ECPAS: variants seen among roughly 807,000 people sequenced by gnomAD.
The protein encoded by ECPAS is Ecm29 proteasome adaptor and scaffold, also known as proteasome adapter and scaffold protein ECM29.
Under a neutral mutation model 255.1 loss-of-function variants are expected in ECPAS, and 70 were observed. The observed-to-expected ratio is 0.27, with a 90% CI of 0.23 to 0.33. The LOEUF is 0.33. Among genes scored for constraint, ECPAS ranks in the 10% least tolerant of loss-of-function variants. The pLI, the probability that ECPAS is intolerant of heterozygous loss-of-function variation, is 1.00. For synonymous variants in ECPAS, 784 were observed against 775.0 expected (o/e 1.01, Z -0.19); for missense variants, 1,817 against 2,206.4 (o/e 0.82, Z 3.54).
At chr9:111,408,447 CT>C in intron 24 of ECPAS, 123 bp downstream of exon 24, 1 of 595,514 alleles carries the variant, frequency 1.7e-6, no homozygotes, top group Non-Finnish European at 2.9e-6. Context: ...ACTCAAGTAT[CT>C]GGTGAATAAA....
At chr9:111,411,587 CTA>C (rs898689595) in intron 21 of ECPAS, 14 of 176,890 alleles carry the variant, frequency 7.9e-5, no homozygotes, top group Non-Finnish European at 1.4e-4. Flanking sequence ...AACCAACAAA[CTA>C]TGTGAAGTAA....
chr9:111,376,400 C>T, intron 37 of ECPAS, 76 bp downstream of exon 37: 1 of 1,207,086 alleles, frequency 8.3e-7, no homozygotes, highest in Non-Finnish European at 1.2e-6. Flanking sequence ...CTTCATTTAA[C>T]ATAGCCTGAA....
chr9:111,477,220 T>C (rs979976517), intron 1 of ECPAS, among the ~76,000 whole-genome samples: 1 of 152,052 alleles, frequency 6.6e-6, no homozygotes, highest in Non-Finnish European at 1.5e-5. Context: ...GCAATTCTCC[T>C]GCCTCAGCCT....
At chr9:111,448,878 C>T (rs1275125175) in intron 3 of ECPAS, among the ~76,000 whole-genome samples, 1 of 152,058 alleles carries the variant, frequency 6.6e-6, no homozygotes, top group Non-Finnish European at 1.5e-5. Flanking sequence ...TTACATATAA[C>T]TAAAATAGTC....
rs761701495 is a variant in ECPAS at position 111,412,118 on chromosome 9, G to A, written c.2110C>T (p.Arg704Cys). 12 of 1,588,062 alleles carry A rather than the reference G, an allele frequency of 7.6e-6. No homozygotes were observed. Among genetic ancestry groups the A allele is most frequent in the South Asian group, 3.5e-5 (3 of 85,144 alleles). Reference sequence around the variant, plus strand: ...GAATAAAACAACGCTGCCAGTTCGCGCATTTCTTCTTTACTGTTATTCATC... The same window carrying A: ...GAATAAAACAACGCTGCCAGTTCGCACATTTCTTCTTTACTGTTATTCATC... The part of the protein sequence containing the change: ...SLMNNSKEEM[R>C]ELAALFYSVV... Residue 704 changes from arginine to cysteine, a missense_variant, in exon 21 of 50, where the codon CGC becomes TGC. Arg to Cys is a radical substitution (Grantham distance 180). This residue lies in a region of ECPAS where 573 missense variants were observed against 716.2 expected (regional missense o/e 0.80). Transcript: ENST00000684092.
rs530652919 is a variant in ECPAS, at chr9:111,472,289, T to C, written c.22+608A>G. Among the ~76,000 whole-genome samples the C allele has an allele frequency of 3.9e-5, 6 of 152,210 alleles. No individual in the cohort carries two copies. In the East Asian group the frequency reaches 1.2e-3, roughly 29 times the overall value. ...ATTTAAAAAACAAAAACCTCCATGA[T>C]GGCATTCCTCGAGCATGTAAAATGA... is the stretch of plus-strand genomic sequence containing the variant. On this transcript the variant is annotated intron_variant, in intron 2 of 49. Transcript: ENST00000684092.
chr9:111,405,998 C>T (rs1564522394), intron 24 of ECPAS, among the ~76,000 whole-genome samples: 1 of 149,684 alleles, frequency 6.7e-6, no homozygotes, highest in Admixed American at 6.6e-5. Flanking sequence ...TATAACCCAG[C>T]AATCCCAGTA....
intron 20 of ECPAS, 142 bp from the exon 21 acceptor site, chr9:111,412,290 A>G: frequency 1.4e-6 from 1 of 724,570 alleles, no homozygotes; most frequent in Non-Finnish European, 2.0e-6. Flanking sequence ...AACAAAATGA[A>G]AGCTGAATGA....
intron 35 of ECPAS, among the ~76,000 whole-genome samples, chr9:111,380,652 C>T (rs1293561887): frequency 6.6e-6 from 1 of 152,196 alleles, no homozygotes; most frequent in Non-Finnish European, 1.5e-5. Context: ...GTATCTTTTG[C>T]CAACAAAAGG....
chr9:111,395,356 T>C (rs1477772788), intron 25 of ECPAS, among the ~76,000 whole-genome samples: 1 of 151,460 alleles, frequency 6.6e-6, no homozygotes, highest in Non-Finnish European at 1.5e-5. Flanking sequence ...ACAGCAAGAT[T>C]GGTACACTGT....
intron 2 of ECPAS, among the ~76,000 whole-genome samples, chr9:111,452,488 C>T (rs943303523): frequency 5.3e-5 from 8 of 151,888 alleles, no homozygotes; most frequent in African/African-American, 1.9e-4. Context: ...TATTTGCAGG[C>T]GAAATAACAG....
intron 24 of ECPAS, among the ~76,000 whole-genome samples, chr9:111,399,886 T>C (rs958426146): frequency 6.6e-6 from 1 of 152,240 alleles, no homozygotes; most frequent in African/African-American, 2.4e-5. Flanking sequence ...GCCTCATCTT[T>C]GAAAAAGCAT....
intron 7 of ECPAS, among the ~76,000 whole-genome samples, chr9:111,434,219 T>C (rs188660989): frequency 6.6e-6 from 1 of 152,230 alleles, no homozygotes; most frequent in Admixed American, 6.5e-5. Context: ...CCCTGCTCGA[T>C]ACAACTTACT....
chr9:111,370,284 A>G, intron 45 of ECPAS, 151 bp downstream of exon 45: 1 of 590,482 alleles, frequency 1.7e-6, no homozygotes, highest in Non-Finnish European at 3.0e-6. Flanking sequence ...TGAGAAACAT[A>G]GCATTGACTA....
intron 18 of ECPAS, among the ~76,000 whole-genome samples, 170 bp downstream of exon 18, chr9:111,416,102 A>G (rs1459191086): frequency 6.6e-6 from 1 of 152,230 alleles, no homozygotes; most frequent in African/African-American, 2.4e-5. Context: ...GAATTAAAAT[A>G]ATACCAATTT....
At chr9:111,404,619 G>A (rs894357836) in intron 24 of ECPAS, among the ~76,000 whole-genome samples, 7 of 148,802 alleles carry the variant, frequency 4.7e-5, no homozygotes, top group South Asian at 4.2e-4. Flanking sequence ...CTTCCTCTTC[G>A]CCTTCTGCCA....
At position 111,424,935 on chromosome 9, in the gene ECPAS, C is replaced by T. The variant is rs187541187; in HGVS notation, c.1215+483G>A. Among the ~76,000 whole-genome samples, 174 of 152,072 alleles carry T rather than the reference C, an allele frequency of 1.1e-3. 1 individual carries two copies. The highest frequency in any genetic ancestry group is 2.0e-3 in the Non-Finnish European group (137 of 67,978). ...CTGTAATCCCAGCACTTAGGGAGGC[C>T]GAGGCAGGCGGATCACCTGAGGTCA... On this transcript the variant is annotated intron_variant, in intron 12 of 49. Coordinates refer to ENST00000684092, the MANE Select transcript of ECPAS (RefSeq NM_001364929.1).
At chr9:111,407,428 A>AAAAAAAAAAACAAAAAAAAAAAAAAAG (rs2098186510) in intron 24 of ECPAS, among the ~76,000 whole-genome samples, 2 of 98,726 alleles carry the variant, frequency 2.0e-5, no homozygotes, top group Non-Finnish European at 5.2e-5. Context: ...AAAAAAAAAA[A>AAAAAAAAAAACAAAAAAAAAAAAAAAG]AAAAAAAAAA....
chr9:111,463,331 T>G (rs1165382887), intron 2 of ECPAS, among the ~76,000 whole-genome samples: 1 of 152,220 alleles, frequency 6.6e-6, no homozygotes, highest in African/African-American at 2.4e-5. Context: ...TTCTATTTTG[T>G]GCCCAAAAGA....
Sources: allele counts gnomAD v4.1 joint callset (sites outside exome capture counted in the v4.1 genomes callset), GRCh38; gene constraint gnomAD v4.1.1; regional missense constraint gnomAD v4.1.1; transcripts MANE v1.5; gene names NCBI Gene and HGNC (gene_info 2026-07-23, HGNC 2026-07-21).